The following PCDH15 variants were observed in gnomAD, a reference collection of about 807,000 sequenced individuals.
The protein encoded by PCDH15 is protocadherin related 15, also known as protocadherin-15.
In PCDH15, 129 loss-of-function variants were observed where a neutral mutation model predicts 178.5. The observed-to-expected ratio is 0.72, with a 90% CI of 0.63 to 0.84. The LOEUF (loss-of-function observed/expected upper bound fraction) is 0.84, where lower values mean the gene tolerates loss of function less well. Among genes scored for constraint, PCDH15 ranks in the 40% least tolerant of loss-of-function variants. The pLI, the probability that PCDH15 is intolerant of heterozygous loss-of-function variation, is 0.00. For synonymous variants in PCDH15, 800 were observed against 732.0 expected, an observed-to-expected ratio of 1.09 and a Z score of -1.50; for missense variants, 2,230 against 2,099.9, an observed-to-expected ratio of 1.06 and a Z score of -1.21.
At chr10:55,107,604 G>T (rs1281695136) in intron 2 of PCDH15, among the ~76,000 whole-genome samples, 1 of 144,412 alleles carries the variant, frequency 6.9e-6, no homozygotes, top group African/African-American at 2.6e-5. Context: ...CGATTCTACT[G>T]CTTCAAACTC....
chr10:54,397,951 G>A (rs1173182148), intron 3 of PCDH15, among the ~76,000 whole-genome samples: 1 of 151,906 alleles, frequency 6.6e-6, no homozygotes, highest in Non-Finnish European at 1.5e-5. Flanking sequence ...CTATTGCTGA[G>A]ATAGATTTTA....
At position 54,132,906 on chromosome 10, in the gene PCDH15, A is replaced by G; in HGVS notation, c.1886T>C (p.Met629Thr). The change falls in exon 15 of 38, where the codon ATG (methionine) becomes ACG (threonine). Residue 629 changes from methionine to threonine, a missense_variant. Met to Thr is a moderately conservative substitution (Grantham distance 81). Coordinates refer to ENST00000644397, the MANE Select transcript of PCDH15 (RefSeq NM_001384140.1). ...ATTTAATAAAACAGCACCAACCCTC[A>G]TGGCTTCACTAATTTCAAGGCTATA... ...LMYSLEISEA[M>T]RVGAVLLNLQ... 1 of 1,613,232 alleles carries G rather than the reference A, an allele frequency of 6.2e-7. No individual in the cohort carries two copies. The highest frequency in any genetic ancestry group is 8.5e-7 in the Non-Finnish European group (1 of 1,179,332).
intron 3 of PCDH15, among the ~76,000 whole-genome samples, chr10:54,843,396 G>A (rs1278418681): frequency 2.6e-5 from 4 of 151,918 alleles, no homozygotes; most frequent in East Asian, 1.9e-4. Flanking sequence ...TGACATGCTC[G>A]AGCTGGAGTT....
intron 2 of PCDH15, among the ~76,000 whole-genome samples, chr10:54,630,373 T>C (rs2093667403): frequency 1.3e-5 from 2 of 152,128 alleles, no homozygotes. Context: ...CTTACAACCA[T>C]TTGATCTTCA....
intron 28 of PCDH15, among the ~76,000 whole-genome samples, chr10:53,849,954 A>G (rs554737489): frequency 5.9e-5 from 9 of 151,840 alleles, no homozygotes; most frequent in Non-Finnish European, 1.0e-4. Context: ...TTACCTTAAT[A>G]TACGTGAAAT....
At chr10:55,413,795 A>G (rs1282721228) in intron 2 of PCDH15, among the ~76,000 whole-genome samples, 1 of 151,606 alleles carries the variant, frequency 6.6e-6, no homozygotes, top group Non-Finnish European at 1.5e-5. Context: ...AATACAAGTT[A>G]GCTCGGAAAT....
chr10:55,582,628 A>ATAT (rs780312007), intron 2 of PCDH15, among the ~76,000 whole-genome samples: 20 of 69,026 alleles, frequency 2.9e-4, no homozygotes, highest in Non-Finnish European at 4.7e-4. Context: ...ATATATATAT[A>ATAT]TTTTTTTTTT....
intron 1 of PCDH15, among the ~76,000 whole-genome samples, chr10:55,255,179 A>G (rs1304413258): frequency 1.3e-5 from 2 of 151,888 alleles, no homozygotes; most frequent in African/African-American, 2.4e-5. Flanking sequence ...TTCAATTCCC[A>G]CCTATGAGTT....
At chr10:54,635,567 G>A (rs1590724432) in intron 2 of PCDH15, among the ~76,000 whole-genome samples, 1 of 151,942 alleles carries the variant, frequency 6.6e-6, no homozygotes, top group East Asian at 1.9e-4. Context: ...TAAGCATTGT[G>A]TTGGGTAATT....
chr10:53,811,932 A>T (rs2075878814), intron 35 of PCDH15, among the ~76,000 whole-genome samples: 1 of 152,130 alleles, frequency 6.6e-6, no homozygotes, highest in African/African-American at 2.4e-5. Context: ...TTGTTTTTGG[A>T]TGTCTTTTAA....
At chr10:55,250,603 C>T (rs1226550243) in intron 1 of PCDH15, among the ~76,000 whole-genome samples, 4 of 126,892 alleles carry the variant, frequency 3.2e-5, no homozygotes, top group Non-Finnish European at 4.7e-5. Flanking sequence ...GTGGTGTGAT[C>T]TCGGCTCACT....
chr10:55,214,539 G>A (rs1418900158), intron 1 of PCDH15, among the ~76,000 whole-genome samples: 1 of 149,336 alleles, frequency 6.7e-6, no homozygotes, highest in Non-Finnish European at 1.5e-5. Context: ...TAAATTCCTT[G>A]TTATCTGGTA....
chr10:53,868,677 C>A, intron 26 of PCDH15, among the ~76,000 whole-genome samples: 1 of 152,082 alleles, frequency 6.6e-6, no homozygotes, highest in Admixed American at 6.6e-5. Context: ...ACAGCATCAA[C>A]TTGATTTAGC....
chr10:54,697,515 G>GTGTATATA (rs1555156234), intron 1 of PCDH15, among the ~76,000 whole-genome samples: 1 of 143,056 alleles, frequency 7.0e-6, no homozygotes, highest in African/African-American at 2.6e-5. Flanking sequence ...TGAAATGTGT[G>GTGTATATA]TATATATATA....
chr10:54,868,501 C>T (rs1171815746), intron 3 of PCDH15, among the ~76,000 whole-genome samples: 1 of 152,172 alleles, frequency 6.6e-6, no homozygotes, highest in Admixed American at 6.6e-5. Context: ...CTTTTCACTC[C>T]TGAGAAAGTT....
chr10:55,599,053 T>C (rs572831030), intron 2 of PCDH15, among the ~76,000 whole-genome samples: 1 of 152,264 alleles, frequency 6.6e-6, no homozygotes, highest in East Asian at 1.9e-4. Flanking sequence ...GCAATAGATA[T>C]AGTACCGTAA....
At chr10:54,109,588 A>C (rs561565013) in intron 15 of PCDH15, among the ~76,000 whole-genome samples, 1 of 152,356 alleles carries the variant, frequency 6.6e-6, no homozygotes, top group South Asian at 2.1e-4. Flanking sequence ...AGCCAGGCAC[A>C]GAAAGACAAA....
chr10:55,306,784 C>T (rs1315241511), intron 1 of PCDH15, among the ~76,000 whole-genome samples: 1 of 152,180 alleles, frequency 6.6e-6, no homozygotes, highest in African/African-American at 2.4e-5. Context: ...AGACAGATTT[C>T]GGTATGAACA....
chr10:54,462,680 A>ATTTTTTTTTTT (rs767750465), intron 3 of PCDH15, among the ~76,000 whole-genome samples: 1 of 56,234 alleles, frequency 1.8e-5, no homozygotes, highest in Non-Finnish European at 3.1e-5. Context: ...CACCTGCTTA[A>ATTTTTTTTTTT]TTTTTTTTTT....
Sources: gnomAD v4.1 joint callset for allele counts (sites outside exome capture counted in the v4.1 genomes callset) on GRCh38, gnomAD v4.1.1 for gene constraint, MANE v1.5 for transcripts, NCBI Gene and HGNC (gene_info 2026-07-23, HGNC 2026-07-21) for gene names.